Variants in ZNRF3 observed in about 807,000 individuals in gnomAD.
ZNRF3 encodes the protein E3 ubiquitin-protein ligase ZNRF3.
ZNRF3 carries 23 observed loss-of-function variants against 72.5 expected under a neutral mutation model. The observed-to-expected ratio is 0.32, with a 90% CI of 0.23 to 0.45. The LOEUF is 0.45. Ranked by LOEUF, ZNRF3 falls within the 20% of genes least tolerant of loss-of-function variation. ZNRF3 has a pLI of 1.00. For missense variants in ZNRF3, 1,169 were observed against 1,272.1 expected (o/e 0.92, Z 1.23); for synonymous variants, 610 against 545.3 (o/e 1.12, Z -1.65).
chr22:28,923,114 T>A (rs1407531290), intron 1 of ZNRF3, among the ~76,000 whole-genome samples: 1 of 152,156 alleles, frequency 6.6e-6, no homozygotes, highest in East Asian at 1.9e-4. Flanking sequence ...GGAAAGGAGT[T>A]GATAAAATGA....
intron 2 of ZNRF3, among the ~76,000 whole-genome samples, chr22:29,039,843 C>G (rs2036928944): frequency 6.6e-6 from 1 of 151,474 alleles, no homozygotes; most frequent in African/African-American, 2.4e-5. Context: ...CCTGCAGTCC[C>G]AGCTACTCAG....
At chr22:29,052,275 C>T (rs2037220383) in intron 8 of ZNRF3, among the ~76,000 whole-genome samples, 1 of 152,352 alleles carries the variant, frequency 6.6e-6, no homozygotes, top group East Asian at 1.9e-4. Context: ...GCAATAACCT[C>T]TGACTGATCT....
intron 1 of ZNRF3, among the ~76,000 whole-genome samples, chr22:28,892,186 A>G (rs1273007689): frequency 2.0e-5 from 3 of 152,248 alleles, no homozygotes; most frequent in East Asian, 3.9e-4. Context: ...TCAGTGGGCA[A>G]ACATTCAGTG....
chr22:28,933,157 A>G (rs1276675526), intron 1 of ZNRF3, among the ~76,000 whole-genome samples: 1 of 152,186 alleles, frequency 6.6e-6, no homozygotes, highest in African/African-American at 2.4e-5. Flanking sequence ...TAAACTCATG[A>G]ACTAACGCAT....
chr22:28,960,510 C>T (rs1363727303), intron 1 of ZNRF3, among the ~76,000 whole-genome samples: 8 of 152,124 alleles, frequency 5.3e-5, no homozygotes, highest in South Asian at 2.1e-4. Context: ...AGCAACAGTG[C>T]AGCTGATAAA....
At chr22:28,894,292 T>G (rs2033951382) in intron 1 of ZNRF3, among the ~76,000 whole-genome samples, 1 of 151,874 alleles carries the variant, frequency 6.6e-6, no homozygotes, top group Admixed American at 6.6e-5. Flanking sequence ...GTCGTAAAAG[T>G]GAAAGTCTAT....
chr22:29,046,130 G>A lies in ZNRF3; in HGVS notation c.745-586G>A, dbSNP rs191587610. 3.0e-4 allele frequency among the ~76,000 whole-genome samples: 46 copies of A among 152,276 alleles called. 1 individual carries two copies. Among genetic ancestry groups the A allele is most frequent in the Admixed American group, 2.9e-3 (44 of 15,304 alleles). On this transcript the variant is annotated intron_variant, in intron 5 of 8. Coordinates refer to ENST00000544604, the MANE Select transcript of ZNRF3 (RefSeq NM_001206998.2). ...TTGTGCTTGCAGGAAGGAGAAACTCGGGTAGGGGGTGGTGAGAGGATAAGC... is the reference window on the plus strand; with the variant it reads ...TTGTGCTTGCAGGAAGGAGAAACTCAGGTAGGGGGTGGTGAGAGGATAAGC...
At chr22:28,925,834 A>C (rs575079422) in intron 1 of ZNRF3, among the ~76,000 whole-genome samples, 1 of 152,098 alleles carries the variant, frequency 6.6e-6, no homozygotes, top group Non-Finnish European at 1.5e-5. Flanking sequence ...AATCAAGCAC[A>C]TGGGGGCTGA....
intron 1 of ZNRF3, among the ~76,000 whole-genome samples, chr22:28,976,143 C>T (rs1230116407): frequency 6.6e-6 from 1 of 152,146 alleles, no homozygotes; most frequent in Non-Finnish European, 1.5e-5. Context: ...AAGGAATTGA[C>T]TTAGCTCATG....
In ZNRF3 at chr22:29,050,712, C is replaced by G. The variant is rs768617256; in HGVS notation, c.2531C>G (p.Ser844Trp). ...EDVDCDLGLP[S>W]DCQGTHSLGS... The stretch of plus-strand genomic sequence containing the variant: ...GTGGACTGTGATCTGGGCCTGCCCT[C>G]GGACTGCCAAGGGACCCACAGCCTC... Residue 844 changes from serine (S) to tryptophan (W), a missense_variant, in exon 8 of 9, where the codon TCG becomes TGG. Transcript: ENST00000544604. The G allele has an allele frequency of 1.9e-6, 3 of 1,611,668 alleles. No individual in the cohort carries two copies. The highest frequency in any genetic ancestry group is 2.5e-6 in the Non-Finnish European group (3 of 1,179,268).
intron 2 of ZNRF3, among the ~76,000 whole-genome samples, chr22:29,001,147 C>T (rs1683409872): frequency 7.2e-6 from 1 of 138,232 alleles, no homozygotes; most frequent in African/African-American, 2.7e-5. Context: ...CAGCTCACTG[C>T]AAGCTCCGCC....
intron 1 of ZNRF3, among the ~76,000 whole-genome samples, chr22:28,956,598 CAAAG>C (rs1319420002): frequency 6.6e-6 from 1 of 152,160 alleles, no homozygotes; most frequent in Non-Finnish European, 1.5e-5. Context: ...CCTGGTCTGA[CAAAG>C]ACAGTTTCCC....
At chr22:28,907,248 C>G (rs895668293) in intron 1 of ZNRF3, among the ~76,000 whole-genome samples, 3 of 151,904 alleles carry the variant, frequency 2.0e-5, no homozygotes, top group South Asian at 2.1e-4. Flanking sequence ...CCACCTTGGC[C>G]TCCCAAAGTG....
intron 2 of ZNRF3, among the ~76,000 whole-genome samples, chr22:28,988,656 G>A (rs1035801342): frequency 2.0e-5 from 3 of 152,190 alleles, no homozygotes; most frequent in African/African-American, 7.2e-5. Context: ...TGGTAGGAGA[G>A]CAATGACCCC....
At chr22:29,044,680 C>T (rs1006315547) in intron 4 of ZNRF3, 100 bp from the exon 5 acceptor site, 8 of 804,578 alleles carry the variant, frequency 9.9e-6, no homozygotes, top group South Asian at 2.9e-5. Context: ...AAACTCATCC[C>T]GGTCACCCCA....
chr22:28,993,174 G>A (rs1601639545), intron 2 of ZNRF3, among the ~76,000 whole-genome samples: 1 of 152,190 alleles, frequency 6.6e-6, no homozygotes, highest in African/African-American at 2.4e-5. Flanking sequence ...ATCTATTCTG[G>A]TTGGAGAGAG....
intron 1 of ZNRF3, among the ~76,000 whole-genome samples, chr22:28,940,419 T>C (rs571872319): frequency 6.6e-6 from 1 of 152,058 alleles, no homozygotes; most frequent in Non-Finnish European, 1.5e-5. Flanking sequence ...TGTTAGAGTA[T>C]GTGAAAATCT....
At chr22:28,905,868 T>A (rs1331629277) in intron 1 of ZNRF3, among the ~76,000 whole-genome samples, 1 of 152,234 alleles carries the variant, frequency 6.6e-6, no homozygotes, top group Admixed American at 6.5e-5. Flanking sequence ...ATATTTCATA[T>A]CTGTTTTTTT....
rs752961584 is a variant in ZNRF3, at chr22:28,943,941, C to T, written c.301-43135C>T. Among the ~76,000 whole-genome samples the T allele has an allele frequency of 3.3e-4, 50 of 150,962 alleles. 1 individual carries two copies. Among genetic ancestry groups the T allele is most frequent in the Middle Eastern group, 3.2e-3 (1 of 314 alleles). On this transcript the variant is annotated intron_variant, in intron 1 of 8. Transcript: ENST00000544604. ...CTAGTTTGTGCATTTCTGTTTAGCT[C>T]GGTGGATTTGCCTTGGACAAATTAG...
Sources: allele counts gnomAD v4.1 joint callset (sites outside exome capture counted in the v4.1 genomes callset), GRCh38; gene constraint gnomAD v4.1.1; transcripts MANE v1.5; gene names NCBI Gene and HGNC (gene_info 2026-07-23, HGNC 2026-07-21).